Variants in SERGEF observed in about 807,000 individuals in gnomAD.
The protein encoded by SERGEF is secretion regulating guanine nucleotide exchange factor.
SERGEF carries 51 observed loss-of-function variants against 50.0 expected under a neutral mutation model. The ratio of observed to expected loss-of-function variants is 1.02; its 90% CI spans 0.81 to 1.29. The LOEUF is 1.29. SERGEF is among the 50% of genes most tolerant of loss of function. SERGEF has a pLI of 0.00. For missense variants in SERGEF, 521 were observed against 557.0 expected (o/e 0.94, Z 0.65); for synonymous variants, 205 against 212.4 (o/e 0.97, Z 0.30).
At chr11:17,919,018 T>C (rs1221180675) in intron 9 of SERGEF, among the ~76,000 whole-genome samples, 2 of 152,140 alleles carry the variant, frequency 1.3e-5, no homozygotes, top group African/African-American at 2.4e-5. Flanking sequence ...TGTACATATA[T>C]AGAGAGCTGC....
intron 9 of SERGEF, among the ~76,000 whole-genome samples, chr11:17,883,784 G>T (rs1851378307): frequency 6.6e-6 from 1 of 152,314 alleles, no homozygotes; most frequent in African/African-American, 2.4e-5. Context: ...CTAGGGCTAG[G>T]AGTGCCCACC....
intron 2 of SERGEF, among the ~76,000 whole-genome samples, chr11:18,007,248 A>G (rs1854093700): frequency 6.6e-6 from 1 of 152,218 alleles, no homozygotes; most frequent in Non-Finnish European, 1.5e-5. Flanking sequence ...CACAGTTGTA[A>G]AATATAATTT....
chr11:17,842,964 A>T (rs1164137968), intron 10 of SERGEF, among the ~76,000 whole-genome samples: 1 of 152,232 alleles, frequency 6.6e-6, no homozygotes, highest in Non-Finnish European at 1.5e-5. Flanking sequence ...AACCAACCAT[A>T]TGAAATGAAC....
chr11:17,824,732 A>C (rs1308464920), intron 10 of SERGEF, among the ~76,000 whole-genome samples: 4 of 152,126 alleles, frequency 2.6e-5, no homozygotes, highest in African/African-American at 9.7e-5. Context: ...AGCAATTCCT[A>C]GTGTCTCTTC....
chr11:17,811,015 G>A (rs769933452), intron 10 of SERGEF, among the ~76,000 whole-genome samples: 2 of 152,170 alleles, frequency 1.3e-5, no homozygotes, highest in Non-Finnish European at 2.9e-5. Flanking sequence ...GCTGGCAGAA[G>A]GGGTCATGCT....
chr11:17,876,707 C>T (rs1851240357), intron 10 of SERGEF, among the ~76,000 whole-genome samples: 2 of 152,234 alleles, frequency 1.3e-5, no homozygotes, highest in Middle Eastern at 3.2e-3. Flanking sequence ...ATTCCTTCAT[C>T]TGGATTTTGT....
chr11:17,892,313 T>A (rs1361807765), intron 9 of SERGEF, among the ~76,000 whole-genome samples: 1 of 152,212 alleles, frequency 6.6e-6, no homozygotes, highest in Non-Finnish European at 1.5e-5. Context: ...TTAGCAAATG[T>A]GACACAAGTA....
At chr11:17,941,381 A>G (rs535585063) in intron 9 of SERGEF, among the ~76,000 whole-genome samples, 5 of 152,340 alleles carry the variant, frequency 3.3e-5, no homozygotes, top group Admixed American at 6.5e-5. Flanking sequence ...AGGATCATAC[A>G]GTATCTGTCT....
chr11:17,904,943 A>G lies in SERGEF; in HGVS notation c.1012-26699T>C, dbSNP rs1397424542. Among the ~76,000 whole-genome samples the G allele has an allele frequency of 3.9e-5, 6 of 152,196 alleles. No homozygotes were observed. In the East Asian group the frequency reaches 9.6e-4, roughly 24 times the overall value. ...CCTAATGGGTTCATCTGTTTTTCCA[A>G]CTTTGCTCAACCCAGAGACTACTTG... On this transcript the variant is annotated intron_variant, in intron 9 of 10. Transcript: ENST00000265965.
intron 9 of SERGEF, among the ~76,000 whole-genome samples, chr11:17,901,231 G>C (rs1851744734): frequency 1.3e-5 from 2 of 152,024 alleles, no homozygotes; most frequent in Admixed American, 6.6e-5. Context: ...CACTCTACTA[G>C]TTCAGGCCCT....
chr11:17,989,970 G>C (rs1853679141), intron 7 of SERGEF, among the ~76,000 whole-genome samples: 1 of 152,024 alleles, frequency 6.6e-6, no homozygotes, highest in Non-Finnish European at 1.5e-5. Context: ...ATTTCTATTA[G>C]CACTGTTCTA....
chr11:17,799,857 T>C lies in SERGEF; in HGVS notation c.1049-11444A>G, dbSNP rs73424054. Among the ~76,000 whole-genome samples, 470 of 152,308 alleles carry C rather than the reference T, an allele frequency of 3.1e-3. 3 individuals carry two copies. The highest frequency in any genetic ancestry group is 0.011 in the African/African-American group (456 of 41,562). ...GCTATGCCCAATTCAGTTCAATTCA[T>C]TTTGTACACATCAACTAGGCTCCCA... On this transcript the variant is annotated intron_variant, in intron 10 of 10. Transcript: ENST00000265965.
intron 9 of SERGEF, among the ~76,000 whole-genome samples, chr11:17,885,625 G>C (rs998729112): frequency 6.6e-6 from 1 of 151,684 alleles, no homozygotes; most frequent in African/African-American, 2.4e-5. Context: ...TACATGCATG[G>C]GCATGATCTG....
At chr11:17,863,997 A>C (rs1850976395) in intron 10 of SERGEF, among the ~76,000 whole-genome samples, 1 of 152,246 alleles carries the variant, frequency 6.6e-6, no homozygotes, top group Non-Finnish European at 1.5e-5. Flanking sequence ...GGGATTCTAG[A>C]GGCCCAGAGA....
intron 8 of SERGEF, among the ~76,000 whole-genome samples, chr11:17,965,477 C>T (rs990588740): frequency 6.6e-6 from 1 of 152,208 alleles, no homozygotes; most frequent in Non-Finnish European, 1.5e-5. Context: ...TTCACCTAGT[C>T]AACTCCTACT....
intron 4 of SERGEF, among the ~76,000 whole-genome samples, chr11:18,003,325 G>A (rs1854003456): frequency 6.6e-6 from 1 of 152,184 alleles, no homozygotes; most frequent in African/African-American, 2.4e-5. Flanking sequence ...ACAAAAAGGG[G>A]TGATTTTAAG....
chr11:17,968,581 G>T (rs1266259017), intron 8 of SERGEF, among the ~76,000 whole-genome samples: 1 of 152,014 alleles, frequency 6.6e-6, no homozygotes, highest in African/African-American at 2.4e-5. Flanking sequence ...GTGCACACCT[G>T]TAGTCCTAGC....
intron 8 of SERGEF, among the ~76,000 whole-genome samples, chr11:17,977,758 CAG>C (rs1276501340): frequency 6.6e-6 from 1 of 152,116 alleles, no homozygotes; most frequent in Non-Finnish European, 1.5e-5. Context: ...AAAGAAACCC[CAG>C]AGAGCTCCTT....
At chr11:17,932,222 C>T (rs1198189359) in intron 9 of SERGEF, among the ~76,000 whole-genome samples, 1 of 152,156 alleles carries the variant, frequency 6.6e-6, no homozygotes, top group South Asian at 2.1e-4. Flanking sequence ...AATGTCTGCG[C>T]GTGTTCAAAA....
Sources: gnomAD v4.1 joint callset for allele counts (sites outside exome capture counted in the v4.1 genomes callset) on GRCh38, gnomAD v4.1.1 for gene constraint, MANE v1.5 for transcripts, NCBI Gene and HGNC (gene_info 2026-07-23, HGNC 2026-07-21) for gene names.